ROBO2: variants seen among roughly 807,000 people sequenced by gnomAD.
ROBO2 encodes the protein roundabout guidance receptor 2.
ROBO2 carries 53 observed loss-of-function variants against 160.8 expected under a neutral mutation model. The observed-to-expected ratio is 0.33, with a 90% CI of 0.26 to 0.41. ROBO2 has a LOEUF of 0.41. Among genes scored for constraint, ROBO2 ranks in the 10% least tolerant of loss-of-function variants. ROBO2 has a pLI of 1.00. For synonymous variants in ROBO2, 664 were observed against 611.7 expected (o/e 1.09, Z -1.26); for missense variants, 1,577 against 1,722.4 (o/e 0.92, Z 1.49).
At chr3:77,358,146 A>T (rs549994401) in intron 2 of ROBO2, among the ~76,000 whole-genome samples, 59 of 152,304 alleles carry the variant, frequency 3.9e-4, no homozygotes, top group African/African-American at 1.3e-3. Flanking sequence ...AAATTGTCAG[A>T]ATAATTCTGG....
At position 76,730,197 on chromosome 3, in the gene ROBO2, C is replaced by T. The variant is rs567185476; in HGVS notation, c.110-367817C>T. Reference sequence around the variant, plus strand: ...TTTTCCTCACCTCCTACTCCCTACTCGCTTGTCCTCACCTCCTACTCCCTA... The same window carrying T: ...TTTTCCTCACCTCCTACTCCCTACTTGCTTGTCCTCACCTCCTACTCCCTA... On this transcript the variant is annotated intron_variant, in intron 2 of 26. Coordinates refer to the ROBO2 transcript ENST00000487694. Among the ~76,000 whole-genome samples, 386 of 144,604 alleles carry T rather than the reference C, an allele frequency of 2.7e-3. 6 individuals carry two copies. Among genetic ancestry groups the T allele is most frequent in the African/African-American group, 9.5e-3 (363 of 38,284 alleles). The allele number at this position is 144,604 out of a possible 152,430, so 94.9% of individuals were successfully genotyped here.
At chr3:76,992,369 A>G (rs6793367) in intron 2 of ROBO2, among the ~76,000 whole-genome samples, 1 of 30,238 alleles carries the variant, frequency 3.3e-5, no homozygotes, top group Non-Finnish European at 5.7e-5. Context: ...ATATATATAT[A>G]AATTTAGCTT....
exon 21 of ROBO2, chr3:77,607,904 C>G (rs1399282299): frequency 6.2e-7 from 1 of 1,614,020 alleles, no homozygotes; most frequent in Middle Eastern, 1.6e-4. Context: ...CAGTCCAGCC[C>G]CTTCCTGGCA....
intron 2 of ROBO2, among the ~76,000 whole-genome samples, chr3:77,114,172 A>C (rs1257557960): frequency 6.6e-6 from 1 of 152,158 alleles, no homozygotes; most frequent in Non-Finnish European, 1.5e-5. Flanking sequence ...GTTTTCTTAA[A>C]TTTGAGGTGA....
intron 2 of ROBO2, among the ~76,000 whole-genome samples, chr3:76,299,692 C>A (rs913847885): frequency 6.6e-6 from 1 of 151,996 alleles, no homozygotes; most frequent in African/African-American, 2.4e-5. Context: ...TTGACTGTTG[C>A]AATAAAAGGT....
At chr3:76,071,593 T>TA (rs533494675) in intron 2 of ROBO2, among the ~76,000 whole-genome samples, 80 of 152,246 alleles carry the variant, frequency 5.3e-4, no homozygotes, top group Non-Finnish European at 1.0e-3. Flanking sequence ...TGATGTTCTT[T>TA]AAATACAAGC....
chr3:76,311,713 C>T (rs1243983344), intron 2 of ROBO2, among the ~76,000 whole-genome samples: 1 of 152,116 alleles, frequency 6.6e-6, no homozygotes, highest in Admixed American at 6.6e-5. Flanking sequence ...ATGTGTTTTC[C>T]TTCGGAAGCC....
In ROBO2 at chr3:77,602,304, C is replaced by A. The variant is rs769370882; in HGVS notation, c.2949C>A (p.Thr983=). The A allele has an allele frequency of 3.7e-6, 6 of 1,614,036 alleles. No homozygotes were observed. In the East Asian group the frequency reaches 1.1e-4, roughly 30 times the overall value. Reference sequence around the variant, plus strand: ...GTAGCATTGACTTCACTACCAAAACCAGTTACAACAGTTCCAGCCAAATAA... The same window carrying A: ...GTAGCATTGACTTCACTACCAAAACAAGTTACAACAGTTCCAGCCAAATAA... Residue 983 remains threonine, a synonymous_variant, in exon 20 of 26, where the codon ACC becomes ACA. Transcript: ENST00000461745.
At chr3:77,329,129 T>A (rs1453632287) in intron 2 of ROBO2, among the ~76,000 whole-genome samples, 2 of 152,182 alleles carry the variant, frequency 1.3e-5, no homozygotes, top group Non-Finnish European at 2.9e-5. Flanking sequence ...TAATTAATAG[T>A]CCAGTGTTGA....
At chr3:77,538,946 G>T in intron 6 of ROBO2, 1 of 449,100 alleles carries the variant, frequency 2.2e-6, no homozygotes. Context: ...ACGGAGGCTT[G>T]CTCTGTCGCC....
chr3:76,687,065 A>G (rs1183007458), intron 2 of ROBO2, among the ~76,000 whole-genome samples: 1 of 152,020 alleles, frequency 6.6e-6, no homozygotes, highest in Non-Finnish European at 1.5e-5. Flanking sequence ...ATTATTTATC[A>G]TGCACGTATT....
intron 2 of ROBO2, among the ~76,000 whole-genome samples, chr3:76,972,576 G>T (rs2059624078): frequency 6.6e-6 from 1 of 151,948 alleles, no homozygotes; most frequent in South Asian, 2.1e-4. Context: ...GGATGAATCT[G>T]TTCATTTGTG....
chr3:76,008,755 A>G (rs2066105743), intron 2 of ROBO2, among the ~76,000 whole-genome samples: 1 of 151,730 alleles, frequency 6.6e-6, no homozygotes, highest in African/African-American at 2.4e-5. Context: ...TTTCTCATCC[A>G]TCACTAGGTT....
intron 2 of ROBO2, among the ~76,000 whole-genome samples, chr3:76,260,149 A>G (rs1706653290): frequency 6.6e-6 from 1 of 152,178 alleles, no homozygotes; most frequent in Non-Finnish European, 1.5e-5. Context: ...ATGCTGGTCC[A>G]GGTGAGGAGC....
chr3:76,672,212 C>T (rs1012019117), intron 2 of ROBO2, among the ~76,000 whole-genome samples: 1 of 151,934 alleles, frequency 6.6e-6, no homozygotes, highest in South Asian at 2.1e-4. Context: ...TTTCAGAACC[C>T]ACATTTACAT....
intron 2 of ROBO2, among the ~76,000 whole-genome samples, chr3:76,086,790 T>C (rs549777642): frequency 1.3e-5 from 2 of 152,016 alleles, no homozygotes; most frequent in Non-Finnish European, 2.9e-5. Context: ...AGGGCTTTAA[T>C]AGAAAAAGTA....
intron 2 of ROBO2, among the ~76,000 whole-genome samples, chr3:77,342,992 G>C (rs1035985485): frequency 7.2e-5 from 11 of 152,000 alleles, no homozygotes; most frequent in African/African-American, 2.4e-4. Flanking sequence ...GGTAGGGTCT[G>C]TCTTCCTGGC....
At chr3:77,050,621 G>A (rs2065128963) in intron 1 of ROBO2, among the ~76,000 whole-genome samples, 1 of 149,140 alleles carries the variant, frequency 6.7e-6, no homozygotes, top group African/African-American at 2.5e-5. Flanking sequence ...AATTGACTAA[G>A]AAGAGTTACA....
exon 26 of ROBO2, chr3:77,649,797 T>C (rs2095436647): frequency 6.6e-6 from 1 of 152,190 alleles, no homozygotes; most frequent in Non-Finnish European, 1.5e-5. Flanking sequence ...TGGATTTTTT[T>C]TAACTGTAGT....
Sources: allele counts gnomAD v4.1 joint callset (sites outside exome capture counted in the v4.1 genomes callset), GRCh38; gene constraint gnomAD v4.1.1; transcripts MANE v1.5; gene names NCBI Gene and HGNC (gene_info 2026-07-23, HGNC 2026-07-21).